Variants in TCF4 observed in about 807,000 individuals in gnomAD.
TCF4 encodes SL3-3 enhancer factor 2.
A neutral mutation model predicts 82.1 loss-of-function variants in TCF4; 3 were observed. That is an observed-to-expected ratio of 0.04 (90% CI 0.02 to 0.09). TCF4 has a LOEUF of 0.09. Ranked by LOEUF, TCF4 falls within the 10% of genes least tolerant of loss-of-function variation. The probability of loss-of-function intolerance (pLI) is 1.00; values close to 1 mark genes in which losing one functional copy is unlikely to be tolerated. For missense variants in TCF4, 518 were observed against 852.7 expected (o/e 0.61, Z 4.89); for synonymous variants, 276 against 309.6 (o/e 0.89, Z 1.14).
chr18:55,560,481 C>CA (rs2085780110), intron 3 of TCF4, among the ~76,000 whole-genome samples: 1 of 152,172 alleles, frequency 6.6e-6, no homozygotes, highest in African/African-American at 2.4e-5. Flanking sequence ...CACCATCTTA[C>CA]AAATGAGGAA....
intron 3 of TCF4, among the ~76,000 whole-genome samples, chr18:55,583,140 G>C (rs899836780): frequency 1.3e-5 from 2 of 151,954 alleles, no homozygotes; most frequent in Non-Finnish European, 2.9e-5. Flanking sequence ...TTCTCATTCA[G>C]GCTGCCAGAA....
intron 15 of TCF4, among the ~76,000 whole-genome samples, chr18:55,252,995 A>G (rs2055700864): frequency 6.6e-6 from 1 of 152,228 alleles, no homozygotes. Context: ...ACTGCCATGA[A>G]CATATAAACA....
intron 5 of TCF4, among the ~76,000 whole-genome samples, chr18:55,457,844 A>C (rs977343518): frequency 6.6e-6 from 1 of 152,232 alleles, no homozygotes; most frequent in African/African-American, 2.4e-5. Flanking sequence ...ATTCATGTGA[A>C]ATCAAGAAGT....
chr18:55,306,210 C>T (rs1159805964), intron 8 of TCF4, among the ~76,000 whole-genome samples: 4 of 152,088 alleles, frequency 2.6e-5, no homozygotes, highest in Non-Finnish European at 2.9e-5. Context: ...TTTCTGACTG[C>T]TTAGTGTTAC....
chr18:55,443,413 T>C (rs1023891927), intron 5 of TCF4, among the ~76,000 whole-genome samples: 3 of 152,224 alleles, frequency 2.0e-5, no homozygotes, highest in South Asian at 4.1e-4. Flanking sequence ...ATCATTAGTG[T>C]TAACCCGAAT....
chr18:55,548,362 G>A (rs972019731), intron 3 of TCF4, among the ~76,000 whole-genome samples: 2 of 152,166 alleles, frequency 1.3e-5, no homozygotes, highest in Admixed American at 1.3e-4. Context: ...GCCAAGAATG[G>A]AGTCAGAATA....
chr18:55,609,358 G>T (rs10871582), intron 2 of TCF4, among the ~76,000 whole-genome samples: 42,912 of 151,980 alleles, frequency 0.28, 7,121 homozygotes, highest in Middle Eastern at 0.43. Context: ...TGAGGCAATA[G>T]TCTAGGAGTG....
At chr18:55,339,555 C>G (rs1302379252) in intron 8 of TCF4, among the ~76,000 whole-genome samples, 1 of 152,134 alleles carries the variant, frequency 6.6e-6, no homozygotes, top group African/African-American at 2.4e-5. Context: ...AAGTTCAGGG[C>G]TCATCAGCCA....
chr18:55,586,167 GCAGCAGCAGCAGCAGCAGCAGCAGC>G (rs1568465819), intron 2 of TCF4: 8 of 382,006 alleles, frequency 2.1e-5, no homozygotes, highest in Admixed American at 1.3e-4. Flanking sequence ...AGCAGCAGCA[GCAGCAGCAGCAGCAGCAGCAGCAGC>G]AGCAGCAGCA....
chr18:55,341,342 G>C (rs1200388924), intron 8 of TCF4, among the ~76,000 whole-genome samples: 2 of 152,122 alleles, frequency 1.3e-5, no homozygotes, highest in African/African-American at 4.8e-5. Flanking sequence ...CATCTCACAG[G>C]ATTTTTATAG....
At chr18:55,322,548 G>A (rs2075875510) in intron 8 of TCF4, among the ~76,000 whole-genome samples, 1 of 152,044 alleles carries the variant, frequency 6.6e-6, no homozygotes, top group Admixed American at 6.5e-5. Flanking sequence ...ATGAAACAGA[G>A]TAGCAGTGCG....
chr18:55,242,703 G>A (rs1220149578), intron 15 of TCF4, among the ~76,000 whole-genome samples: 3 of 151,538 alleles, frequency 2.0e-5, no homozygotes, highest in African/African-American at 7.3e-5. Context: ...TCCGCCTCCC[G>A]GGTTCAAGCG....
chr18:55,506,501 C>T (rs1412492621), intron 3 of TCF4, among the ~76,000 whole-genome samples: 1 of 152,066 alleles, frequency 6.6e-6, no homozygotes, highest in East Asian at 1.9e-4. Context: ...ACCCAAATGT[C>T]CAAAGGAAAA....
At chr18:55,451,071 C>A (rs1018906969) in intron 5 of TCF4, among the ~76,000 whole-genome samples, 1 of 152,136 alleles carries the variant, frequency 6.6e-6, no homozygotes, top group Admixed American at 6.6e-5. Flanking sequence ...AAAAAAGAAG[C>A]CTTTTCATTT....
Position 55,317,213 on chromosome 18 carries a change from C to CA in TCF4, c.549+33145dup, listed in dbSNP as rs56128324. Among the ~76,000 whole-genome samples the CA allele has an allele frequency of 6.1e-3, 930 of 151,920 alleles. 4 individuals are homozygous for CA. Among genetic ancestry groups the CA allele is most frequent in the Middle Eastern group, 0.024 (7 of 294 alleles). ...CAACTATATTTAAAAAATAAGCTCA[C>CA]AAAAAAGCAGTTTTTCCTACATGCT... On this transcript the variant is annotated intron_variant, in intron 8 of 19. Coordinates refer to ENST00000354452, the MANE Select transcript of TCF4 (RefSeq NM_001083962.2).
intron 6 of TCF4, among the ~76,000 whole-genome samples, chr18:55,377,549 T>C (rs2091049481): frequency 6.6e-6 from 1 of 152,242 alleles, no homozygotes; most frequent in Non-Finnish European, 1.5e-5. Context: ...GTTTAACTGA[T>C]ACAAATAGCC....
At chr18:55,415,191 A>G (rs779693965) in intron 5 of TCF4, among the ~76,000 whole-genome samples, 51 of 152,234 alleles carry the variant, frequency 3.4e-4, no homozygotes, top group Non-Finnish European at 6.6e-4. Context: ...TAAAAAACTC[A>G]AGAGTATTAC....
chr18:55,303,569 A>T (rs996041676), intron 8 of TCF4, among the ~76,000 whole-genome samples: 1 of 152,184 alleles, frequency 6.6e-6, no homozygotes, highest in Non-Finnish European at 1.5e-5. Context: ...TCTTTGTTAG[A>T]ATTTTGGAGA....
intron 3 of TCF4, chr18:55,553,472 C>T (rs1366380729): frequency 6.6e-6 from 1 of 152,152 alleles, no homozygotes; most frequent in Non-Finnish European, 1.5e-5. Flanking sequence ...GGATAAACAT[C>T]AAACATACGT....
Sources: allele counts gnomAD v4.1 joint callset (sites outside exome capture counted in the v4.1 genomes callset), GRCh38; gene constraint gnomAD v4.1.1; transcripts MANE v1.5; gene names NCBI Gene and HGNC (gene_info 2026-07-23, HGNC 2026-07-21).